PINX1: variants seen among roughly 807,000 people sequenced by gnomAD.
The protein encoded by PINX1 is PIN2/TERF1-interacting telomerase inhibitor 1.
PINX1 carries 34 observed loss-of-function variants against 25.4 expected under a neutral mutation model. That is an observed-to-expected ratio of 1.34 (90% CI 1.02 to 1.78). PINX1 has a LOEUF of 1.78. Ranked by LOEUF, PINX1 falls within the 40% of genes most tolerant of loss-of-function variation. The probability of loss-of-function intolerance (pLI) is 0.00; values close to 1 mark genes in which losing one functional copy is unlikely to be tolerated. For missense variants in PINX1, 592 were observed against 404.9 expected (o/e 1.46, Z -3.97); for synonymous variants, 197 against 147.7 (o/e 1.33, Z -2.42).
At chr8:10,823,714 G>A (rs1797946800) in intron 5 of PINX1, among the ~76,000 whole-genome samples, 1 of 152,170 alleles carries the variant, frequency 6.6e-6, no homozygotes, top group Admixed American at 6.5e-5. Flanking sequence ...TGTAGTCCCA[G>A]CACGCTGGGA....
chr8:10,812,359 T>C (rs1797549057), intron 6 of PINX1, among the ~76,000 whole-genome samples: 1 of 152,236 alleles, frequency 6.6e-6, no homozygotes, highest in Non-Finnish European at 1.5e-5. Flanking sequence ...CCGTTTCAAA[T>C]GTGATCATTT....
intron 1 of PINX1, among the ~76,000 whole-genome samples, chr8:10,835,604 A>G (rs1798381971): frequency 6.6e-6 from 1 of 152,186 alleles, no homozygotes; most frequent in Non-Finnish European, 1.5e-5. Flanking sequence ...TATTAGGGCT[A>G]TTTATATCCG....
intron 6 of PINX1, among the ~76,000 whole-genome samples, chr8:10,799,352 C>G (rs1439612569): frequency 6.6e-6 from 1 of 152,164 alleles, no homozygotes; most frequent in African/African-American, 2.4e-5. Flanking sequence ...GTTGCTTTTA[C>G]AAGCGAACAG....
chr8:10,794,997 A>T (rs1252588376), intron 6 of PINX1, among the ~76,000 whole-genome samples: 1 of 152,212 alleles, frequency 6.6e-6, no homozygotes, highest in African/African-American at 2.4e-5. Flanking sequence ...GCTAGAAATG[A>T]ACACCTCACG....
chr8:10,775,938 C>A (rs982126019), intron 6 of PINX1, among the ~76,000 whole-genome samples: 1 of 152,150 alleles, frequency 6.6e-6, no homozygotes, highest in African/African-American at 2.4e-5. Context: ...GGGGTGGGGG[C>A]AACCCAAAGC....
At chr8:10,797,358 G>C (rs547725765) in intron 6 of PINX1, among the ~76,000 whole-genome samples, 41 of 152,338 alleles carry the variant, frequency 2.7e-4, no homozygotes, top group South Asian at 2.1e-3. Context: ...CTGTGTGACA[G>C]AAAGGGTGTG....
chr8:10,837,826 G>A (rs1009776120), intron 1 of PINX1, among the ~76,000 whole-genome samples: 18 of 152,232 alleles, frequency 1.2e-4, no homozygotes, highest in African/African-American at 4.3e-4. Context: ...AAATTCAGAG[G>A]TTGATCAGAA....
At chr8:10,810,167 A>G (rs1327632235) in intron 6 of PINX1, among the ~76,000 whole-genome samples, 1 of 152,178 alleles carries the variant, frequency 6.6e-6, no homozygotes, top group Non-Finnish European at 1.5e-5. Flanking sequence ...ACCAGGTCAC[A>G]CCTCCGACAC....
At chr8:10,779,824 G>C (rs978076073) in intron 6 of PINX1, among the ~76,000 whole-genome samples, 2 of 151,958 alleles carry the variant, frequency 1.3e-5, no homozygotes, top group Non-Finnish European at 2.9e-5. Flanking sequence ...TACAAATGAA[G>C]ACCAATCTAG....
At chr8:10,797,712 C>A (rs908874944) in intron 6 of PINX1, among the ~76,000 whole-genome samples, 1 of 152,210 alleles carries the variant, frequency 6.6e-6, no homozygotes, top group East Asian at 1.9e-4. Flanking sequence ...CCTCAAACCA[C>A]CTTTTCATAC....
intron 6 of PINX1, among the ~76,000 whole-genome samples, chr8:10,773,057 T>A (rs1332094080): frequency 6.6e-6 from 1 of 152,184 alleles, no homozygotes; most frequent in African/African-American, 2.4e-5. Context: ...AAAAATCTTG[T>A]AAAAATTTGT....
At chr8:10,772,380 T>A (rs779420580) in intron 6 of PINX1, among the ~76,000 whole-genome samples, 3 of 152,278 alleles carry the variant, frequency 2.0e-5, no homozygotes, top group Non-Finnish European at 2.9e-5. Flanking sequence ...TTGGAAAGCC[T>A]GCCCTGAGCC....
intron 1 of PINX1, among the ~76,000 whole-genome samples, chr8:10,839,347 G>C (rs1798499097): frequency 6.6e-6 from 1 of 152,216 alleles, no homozygotes; most frequent in Admixed American, 6.5e-5. Flanking sequence ...ACAGTTTCAA[G>C]TGATCCTTCT....
intron 6 of PINX1, among the ~76,000 whole-genome samples, chr8:10,796,985 T>C (rs992058896): frequency 2.0e-5 from 3 of 152,036 alleles, no homozygotes; most frequent in African/African-American, 7.2e-5. Context: ...AACTCTGCCC[T>C]ACAGCAATGC....
rs978425624 is a variant in PINX1, at chr8:10,827,598, T to G, written c.302-1354A>C. ...CTACAGTTTTAAGAACATTCAGATA[T>G]GAGGTTAGAGAAACTGGAAAAAAAG... On this transcript the variant is annotated intron_variant, in intron 4 of 6. Coordinates refer to ENST00000314787, the MANE Select transcript of PINX1 (RefSeq NM_017884.6). Among the ~76,000 whole-genome samples the G allele has an allele frequency of 3.1e-4, 47 of 151,784 alleles. 1 individual carries two copies. The highest frequency in any genetic ancestry group is 6.0e-4 in the Non-Finnish European group (41 of 67,976).
intron 6 of PINX1, among the ~76,000 whole-genome samples, chr8:10,768,172 A>G (rs543540176): frequency 3.9e-5 from 6 of 152,130 alleles, no homozygotes; most frequent in Non-Finnish European, 8.8e-5. Flanking sequence ...AGACTCGGTG[A>G]CGACGGCTGG....
chr8:10,810,962 C>T (rs1251908425), intron 6 of PINX1, among the ~76,000 whole-genome samples: 1 of 152,226 alleles, frequency 6.6e-6, no homozygotes, highest in Non-Finnish European at 1.5e-5. Context: ...CACACAGATA[C>T]AATTTTCTCA....
intron 6 of PINX1, among the ~76,000 whole-genome samples, chr8:10,803,149 T>A (rs939821200): frequency 1.3e-5 from 2 of 152,360 alleles, no homozygotes; most frequent in Non-Finnish European, 2.9e-5. Flanking sequence ...AATATTCCTA[T>A]CAACAATTAA....
intron 1 of PINX1, among the ~76,000 whole-genome samples, chr8:10,836,328 TTTAC>T (rs147692175): frequency 0.021 from 3,257 of 152,262 alleles, 129 homozygotes; most frequent in African/African-American, 0.074. Flanking sequence ...AAATTACCAC[TTTAC>T]TTATCTTGGC....
Sources: allele counts gnomAD v4.1 joint callset (sites outside exome capture counted in the v4.1 genomes callset), GRCh38; gene constraint gnomAD v4.1.1; transcripts MANE v1.5; gene names NCBI Gene and HGNC (gene_info 2026-07-23, HGNC 2026-07-21).